CTNNA3: variants seen among roughly 807,000 people sequenced by gnomAD.
CTNNA3 encodes the protein catenin alpha-3.
Under a neutral mutation model 95.7 loss-of-function variants are expected in CTNNA3, and 76 were observed. That is an observed-to-expected ratio of 0.79 (90% confidence interval 0.66 to 0.96). The LOEUF (loss-of-function observed/expected upper bound fraction) is 0.96, where lower values mean the gene tolerates loss of function less well. Among genes scored for constraint, CTNNA3 ranks in the 40% least tolerant of loss-of-function variants. The pLI, the probability that CTNNA3 is intolerant of heterozygous loss-of-function variation, is 0.00. For synonymous variants in CTNNA3, 431 were observed against 374.4 expected (o/e 1.15, Z -1.74); for missense variants, 1,191 against 1,089.8 (o/e 1.09, Z -1.31).
intron 10 of CTNNA3, among the ~76,000 whole-genome samples, chr10:66,603,042 T>A (rs1447934909): frequency 6.6e-6 from 1 of 152,124 alleles, no homozygotes; most frequent in East Asian, 1.9e-4. Flanking sequence ...AAGTCTACGA[T>A]GCCCACTTTT....
intron 7 of CTNNA3, among the ~76,000 whole-genome samples, chr10:66,833,020 C>T (rs920624572): frequency 2.0e-5 from 3 of 152,100 alleles, no homozygotes; most frequent in African/African-American, 4.8e-5. Flanking sequence ...TGAATTTGTG[C>T]GATAGATTAT....
At chr10:67,448,809 TTATAGA>T (rs1319056175) in intron 5 of CTNNA3, among the ~76,000 whole-genome samples, 3 of 149,108 alleles carry the variant, frequency 2.0e-5, no homozygotes, top group African/African-American at 7.3e-5. Context: ...TTACTATTTA[TTATAGA>T]TATATAATTG....
intron 13 of CTNNA3, among the ~76,000 whole-genome samples, chr10:66,200,572 A>G (rs1401032510): frequency 2.0e-5 from 3 of 152,158 alleles, no homozygotes. Context: ...TATGGATGAG[A>G]GTGTCACAAT....
At chr10:67,753,290 C>A (rs1841417039) in intron 1 of CTNNA3, among the ~76,000 whole-genome samples, 1 of 152,018 alleles carries the variant, frequency 6.6e-6, no homozygotes, top group South Asian at 2.1e-4. Flanking sequence ...TGAAACTGGG[C>A]CCTTTCTTTA....
At chr10:67,458,887 G>T (rs1012076120) in intron 5 of CTNNA3, among the ~76,000 whole-genome samples, 6 of 127,450 alleles carry the variant, frequency 4.7e-5, no homozygotes, top group Non-Finnish European at 1.0e-4. Flanking sequence ...GGGACAAAAA[G>T]TGAAACCATA....
intron 6 of CTNNA3, among the ~76,000 whole-genome samples, chr10:67,187,402 G>C (rs550966186): frequency 1.3e-5 from 2 of 152,050 alleles, no homozygotes; most frequent in African/African-American, 4.8e-5. Flanking sequence ...CTACCACTCT[G>C]GGGAAACTGA....
At chr10:66,705,675 A>T (rs1848092998) in intron 9 of CTNNA3, among the ~76,000 whole-genome samples, 1 of 152,036 alleles carries the variant, frequency 6.6e-6, no homozygotes, top group Non-Finnish European at 1.5e-5. Context: ...TTTTGGAAGC[A>T]TAATATCCCT....
chr10:67,489,612 G>T lies in CTNNA3; in HGVS notation c.579+32230C>A, dbSNP rs16924526. 0.029 allele frequency among the ~76,000 whole-genome samples: 4,407 copies of T among 152,122 alleles called. 405 individuals are homozygous for T. The East Asian group carries it at 0.34, about 12-fold the overall frequency. ...TATCATGGAAATGAAGTGCCAAATT[G>T]TTTTAAAACTGCTTAGCTCTCACTA... is the stretch of plus-strand genomic sequence containing the variant. On this transcript the variant is annotated intron_variant, in intron 5 of 17. Coordinates refer to ENST00000433211, the MANE Select transcript of CTNNA3 (RefSeq NM_013266.4).
At chr10:67,647,737 C>A (rs1187918203) in intron 1 of CTNNA3, among the ~76,000 whole-genome samples, 1 of 152,154 alleles carries the variant, frequency 6.6e-6, no homozygotes, top group Non-Finnish European at 1.5e-5. Context: ...GGTCCTGTAA[C>A]AAATTAATCT....
At chr10:66,440,772 T>C (rs2093369492) in intron 11 of CTNNA3, among the ~76,000 whole-genome samples, 1 of 126,998 alleles carries the variant, frequency 7.9e-6, no homozygotes, top group African/African-American at 3.3e-5. Context: ...AACTTTCCTG[T>C]GTACAGTTTC....
At chr10:66,006,439 A>G (rs1392884258) in intron 15 of CTNNA3, among the ~76,000 whole-genome samples, 1 of 152,132 alleles carries the variant, frequency 6.6e-6, no homozygotes, top group South Asian at 2.1e-4. Context: ...CCCTCTCTGG[A>G]CACAATGGGA....
chr10:66,432,150 C>A (rs1166705770), intron 11 of CTNNA3, among the ~76,000 whole-genome samples: 1 of 151,224 alleles, frequency 6.6e-6, no homozygotes, highest in Non-Finnish European at 1.5e-5. Context: ...AAATTTAGAA[C>A]AATAAAAGGT....
intron 2 of CTNNA3, among the ~76,000 whole-genome samples, chr10:67,646,186 C>CT (rs57780349): frequency 9.4e-4 from 126 of 134,648 alleles, no homozygotes; most frequent in East Asian, 1.8e-3. Flanking sequence ...GTTTTTCTTT[C>CT]TTTTTTTTTT....
intron 14 of CTNNA3, among the ~76,000 whole-genome samples, chr10:66,086,149 C>T (rs1000290257): frequency 1.3e-5 from 2 of 152,120 alleles, no homozygotes; most frequent in Admixed American, 6.6e-5. Flanking sequence ...AAGTAAAATT[C>T]CATTCAGGCA....
intron 7 of CTNNA3, among the ~76,000 whole-genome samples, chr10:66,902,741 C>T (rs1329573569): frequency 1.3e-5 from 2 of 152,114 alleles, no homozygotes; most frequent in African/African-American, 2.4e-5. Flanking sequence ...CCAGAGAATA[C>T]TATAACACCT....
At chr10:66,224,726 G>A (rs936762081) in intron 13 of CTNNA3, among the ~76,000 whole-genome samples, 11 of 152,064 alleles carry the variant, frequency 7.2e-5, no homozygotes, top group African/African-American at 1.4e-4. Flanking sequence ...CTTAAAATAC[G>A]AACCAAACAT....
intron 7 of CTNNA3, among the ~76,000 whole-genome samples, chr10:67,170,199 G>A (rs1345212680): frequency 3.3e-5 from 5 of 152,330 alleles, no homozygotes; most frequent in Admixed American, 2.6e-4. Context: ...AGCCATTGTG[G>A]AAAGCAGTAT....
At chr10:67,301,221 T>G (rs1840253274) in intron 5 of CTNNA3, among the ~76,000 whole-genome samples, 1 of 152,158 alleles carries the variant, frequency 6.6e-6, no homozygotes, top group Non-Finnish European at 1.5e-5. Flanking sequence ...AATTACTCCT[T>G]TTTTCTATTT....
At chr10:66,102,570 A>G (rs932782237) in intron 14 of CTNNA3, among the ~76,000 whole-genome samples, 29 of 152,174 alleles carry the variant, frequency 1.9e-4, no homozygotes, top group Non-Finnish European at 3.8e-4. Context: ...TGTAGTTGCA[A>G]GCGATAAGTG....
Sources: allele counts gnomAD v4.1 joint callset (sites outside exome capture counted in the v4.1 genomes callset), GRCh38; gene constraint gnomAD v4.1.1; transcripts MANE v1.5; gene names NCBI Gene and HGNC (gene_info 2026-07-23, HGNC 2026-07-21).